LRIG1: variants seen among roughly 807,000 people sequenced by gnomAD.
LRIG1 encodes leucine rich repeats and immunoglobulin like domains 1.
Under a neutral mutation model 99.2 loss-of-function variants are expected in LRIG1, and 48 were observed. The observed-to-expected ratio is 0.48, with a 90% confidence interval of 0.38 to 0.62. The LOEUF is 0.62. Ranked by LOEUF, LRIG1 falls within the 20% of genes least tolerant of loss-of-function variation. The probability of loss-of-function intolerance (pLI) is 0.00; values close to 1 mark genes in which losing one functional copy is unlikely to be tolerated. For missense variants in LRIG1, 1,646 were observed against 1,434.4 expected, an observed-to-expected ratio of 1.15 and a Z score of -2.38; for synonymous variants, 772 against 596.1, an observed-to-expected ratio of 1.29 and a Z score of -4.30.
chr3:66,410,741 C>T (rs1264175558), intron 6 of LRIG1, among the ~76,000 whole-genome samples: 1 of 152,184 alleles, frequency 6.6e-6, no homozygotes, highest in East Asian at 1.9e-4. Context: ...AGGGCAAAGC[C>T]CATTAAAGGA....
At chr3:66,407,163 T>G (rs1251219834) in intron 8 of LRIG1, among the ~76,000 whole-genome samples, 185 bp downstream of exon 8, 1 of 152,200 alleles carries the variant, frequency 6.6e-6, no homozygotes, top group Non-Finnish European at 1.5e-5. Context: ...GAGATTTTTC[T>G]GCTTAACCAG....
At chr3:66,404,944 A>G (rs1315896201) in intron 9 of LRIG1, among the ~76,000 whole-genome samples, 1 of 152,152 alleles carries the variant, frequency 6.6e-6, no homozygotes, top group Non-Finnish European at 1.5e-5. Context: ...GCCCAAGAGA[A>G]GCTCCACCAG....
In LRIG1 at chr3:66,447,353, C is replaced by T. The variant is rs6779724; in HGVS notation, c.365+4206G>A. ...CCCATTGACCAGCCCCACACTGCCTCCCCATGTCCCTGGGTACATTTATCT... is the reference window on the plus strand; with the variant it reads ...CCCATTGACCAGCCCCACACTGCCTTCCCATGTCCCTGGGTACATTTATCT... On this transcript the variant is annotated intron_variant, in intron 3 of 18. Transcript: ENST00000273261. 3.5e-3 allele frequency among the ~76,000 whole-genome samples: 535 copies of T among 152,210 alleles called. 2 individuals are homozygous for T. The highest frequency in any genetic ancestry group is 0.012 in the African/African-American group (510 of 41,504).
rs777228187 is a variant in LRIG1, at chr3:66,384,195, T to A, written c.1867A>T (p.Thr623Ser). Residue 623 changes from threonine to serine, a missense_variant, in exon 14 of 19, where the codon ACA (threonine) becomes TCA (serine). Thr to Ser is a moderately conservative substitution (Grantham distance 58). Transcript: ENST00000273261. ...TTMARLECAA[T>S]GHPNPQIAWQ... The stretch of plus-strand genomic sequence containing the variant: ...GCAATCTGAGGGTTTGGGTGACCTG[T>A]GGCAGCACATTCGAGGCGGGCCATG... 2 of 1,614,158 alleles carry A rather than the reference T, an allele frequency of 1.2e-6. No homozygotes were observed. Among genetic ancestry groups the A allele is most frequent in the Non-Finnish European group, 1.7e-6 (2 of 1,180,014 alleles).
In LRIG1 at chr3:66,384,058, C is replaced by T; in HGVS notation, c.2004G>A (p.Gly668=). Residue 668 remains glycine, a synonymous_variant, in exon 14 of 19, where the codon GGG becomes GGA. Coordinates refer to ENST00000273261, the MANE Select transcript of LRIG1 (RefSeq NM_015541.3). ...AGTTCTGAGCAGTACAGCTGTAAACCCCTGCGTCATCTATTTTCACATCAG... is the reference window on the plus strand; with the variant it reads ...AGTTCTGAGCAGTACAGCTGTAAACTCCTGCGTCATCTATTTTCACATCAG... ...FITDVKIDDA[G]VYSCTAQNSA... is the part of the protein sequence containing the mutation. 5 of 1,614,066 alleles carry T rather than the reference C, an allele frequency of 3.1e-6. No homozygotes were observed. In the South Asian group the frequency reaches 5.5e-5, roughly 18 times the overall value.
chr3:66,414,277 G>C (rs1179186451), intron 5 of LRIG1, among the ~76,000 whole-genome samples: 1 of 152,046 alleles, frequency 6.6e-6, no homozygotes, highest in Non-Finnish European at 1.5e-5. Context: ...GGTGCCTGTA[G>C]TCCCAGCTGC....
chr3:66,444,986 G>A (rs992242322), intron 3 of LRIG1, among the ~76,000 whole-genome samples: 1 of 151,470 alleles, frequency 6.6e-6, no homozygotes, highest in African/African-American at 2.4e-5. Flanking sequence ...ATTCCTCCCT[G>A]TTGTGCTGGT....
intron 3 of LRIG1, among the ~76,000 whole-genome samples, chr3:66,442,322 T>C (rs985123991): frequency 2.0e-5 from 3 of 152,226 alleles, no homozygotes; most frequent in African/African-American, 7.2e-5. Flanking sequence ...CAATAGGCCC[T>C]GCCTTCTCTG....
chr3:66,471,841 T>C (rs1700602781), intron 1 of LRIG1, among the ~76,000 whole-genome samples: 1 of 152,174 alleles, frequency 6.6e-6, no homozygotes, highest in African/African-American at 2.4e-5. Flanking sequence ...CCACCAAAGC[T>C]TCTCTGGTCA....
intron 12 of LRIG1, among the ~76,000 whole-genome samples, chr3:66,389,714 A>G (rs1240033134): frequency 6.6e-6 from 1 of 152,206 alleles, no homozygotes; most frequent in African/African-American, 2.4e-5. Flanking sequence ...CAACAATAAT[A>G]GTTTGTACAC....
At chr3:66,433,292 C>T (rs890465025) in intron 3 of LRIG1, among the ~76,000 whole-genome samples, 14 of 152,228 alleles carry the variant, frequency 9.2e-5, no homozygotes, top group Non-Finnish European at 1.5e-4. Flanking sequence ...CAGGCTGTGC[C>T]GCTCTCTGGA....
At chr3:66,455,368 C>G (rs930455186) in intron 2 of LRIG1, among the ~76,000 whole-genome samples, 1 of 152,244 alleles carries the variant, frequency 6.6e-6, no homozygotes, top group Non-Finnish European at 1.5e-5. Flanking sequence ...ATCCTCTGGT[C>G]TGCCTCCAAA....
intron 1 of LRIG1, among the ~76,000 whole-genome samples, chr3:66,486,512 G>A (rs959679533): frequency 6.6e-6 from 1 of 152,112 alleles, no homozygotes; most frequent in Admixed American, 6.5e-5. Flanking sequence ...CACTGCTCTG[G>A]GCTTTTCACT....
chr3:66,416,150 G>A (rs1702608631), intron 4 of LRIG1, among the ~76,000 whole-genome samples: 1 of 152,220 alleles, frequency 6.6e-6, no homozygotes, highest in African/African-American at 2.4e-5. Context: ...GCAACTTAGT[G>A]TAGCAGTTAT....
intron 1 of LRIG1, among the ~76,000 whole-genome samples, chr3:66,491,656 T>C (rs959737667): frequency 2.0e-5 from 3 of 152,188 alleles, no homozygotes; most frequent in Non-Finnish European, 2.9e-5. Context: ...ATATAAATTA[T>C]ATCTCAATAA....
At chr3:66,418,384 C>CA (rs1702690273) in intron 3 of LRIG1, among the ~76,000 whole-genome samples, 1 of 152,362 alleles carries the variant, frequency 6.6e-6, no homozygotes, top group African/African-American at 2.4e-5. Flanking sequence ...TGAGCCACCA[C>CA]AGCTGGCCTG....
chr3:66,391,473 A>T (rs924293982), intron 12 of LRIG1, among the ~76,000 whole-genome samples: 19 of 152,232 alleles, frequency 1.2e-4, no homozygotes, highest in Non-Finnish European at 1.5e-5. Context: ...GGAATGAAGT[A>T]CTGATACATG....
intron 2 of LRIG1, among the ~76,000 whole-genome samples, chr3:66,452,391 G>C (rs994186939): frequency 2.0e-5 from 3 of 152,214 alleles, no homozygotes; most frequent in Admixed American, 6.5e-5. Context: ...TGCCCCCAGA[G>C]GCTGTGCAAT....
chr3:66,421,438 A>T (rs1017650613), intron 3 of LRIG1, among the ~76,000 whole-genome samples: 1 of 152,214 alleles, frequency 6.6e-6, no homozygotes. Context: ...AAATTGACCA[A>T]AACAAAGGGG....
Sources: gnomAD v4.1 joint callset for allele counts (sites outside exome capture counted in the v4.1 genomes callset) on GRCh38, gnomAD v4.1.1 for gene constraint, MANE v1.5 for transcripts, NCBI Gene and HGNC (gene_info 2026-07-23, HGNC 2026-07-21) for gene names.